LHFPL2: variants seen among roughly 807,000 people sequenced by gnomAD.
LHFPL2 encodes the protein LHFPL tetraspan subfamily member 2 protein.
Under a neutral mutation model 17.5 loss-of-function variants are expected in LHFPL2, and 7 were observed. That is an observed-to-expected ratio of 0.40 (90% CI 0.23 to 0.75). The LOEUF is 0.75. Ranked by LOEUF, LHFPL2 falls within the 30% of genes least tolerant of loss-of-function variation. The pLI, the probability that LHFPL2 is intolerant of heterozygous loss-of-function variation, is 0.37. For synonymous variants in LHFPL2, 134 were observed against 116.2 expected (o/e 1.15, Z -0.99); for missense variants, 241 against 294.8 (o/e 0.82, Z 1.34).
At chr5:78,514,446 G>A (rs1755230359) in intron 3 of LHFPL2, among the ~76,000 whole-genome samples, 2 of 152,090 alleles carry the variant, frequency 1.3e-5, no homozygotes. Context: ...AAAATGGCTG[G>A]TCTGTGGGAG....
rs567638072 is a variant in LHFPL2, at chr5:78,557,920, C to T, written c.-186+6893G>A. Among the ~76,000 whole-genome samples the T allele has an allele frequency of 2.5e-3, 379 of 152,264 alleles. 1 individual carries two copies. The highest frequency in any genetic ancestry group is 0.01 in the Middle Eastern group (3 of 294). On this transcript the variant is annotated intron_variant, in intron 3 of 4. Coordinates refer to ENST00000380345, the MANE Select transcript of LHFPL2 (RefSeq NM_005779.3). Reference sequence around the variant, plus strand: ...GACCATTGTATGACTAACGGTTCCACCCAGCATCAGAGCATGAAAGAAAGC... The same window carrying T: ...GACCATTGTATGACTAACGGTTCCATCCAGCATCAGAGCATGAAAGAAAGC...
intron 2 of LHFPL2, among the ~76,000 whole-genome samples, chr5:78,599,478 T>C (rs1265477736): frequency 1.7e-5 from 1 of 59,282 alleles, no homozygotes; most frequent in African/African-American, 5.0e-5. Flanking sequence ...TTTTTGTATT[T>C]TTTTTTTTTT....
intron 2 of LHFPL2, among the ~76,000 whole-genome samples, chr5:78,582,062 T>C (rs560784555): frequency 2.8e-4 from 43 of 152,390 alleles, no homozygotes; most frequent in Non-Finnish European, 4.1e-4. Flanking sequence ...TTCTAGATTT[T>C]CTGGTTTATT....
intron 2 of LHFPL2, among the ~76,000 whole-genome samples, chr5:78,613,632 T>C (rs1055641336): frequency 1.3e-5 from 2 of 152,234 alleles, no homozygotes; most frequent in African/African-American, 2.4e-5. Flanking sequence ...CTCCTCCTAT[T>C]ATCTGTAACT....
At position 78,519,126 on chromosome 5, in the gene LHFPL2, A is replaced by C. The variant is rs141709178; in HGVS notation, c.-185-8728T>G. 2.1e-3 allele frequency among the ~76,000 whole-genome samples: 324 copies of C among 152,262 alleles called. 1 individual carries two copies. The highest frequency in any genetic ancestry group is 7.6e-3 in the African/African-American group (314 of 41,540). On this transcript the variant is annotated intron_variant, in intron 3 of 4. Transcript: ENST00000380345. ...TCCCCAACATGAGCCAGGCTGGAGA[A>C]GATGACCACTGAGAACCCACACAGC...
At chr5:78,518,806 G>A (rs1010770861) in intron 3 of LHFPL2, among the ~76,000 whole-genome samples, 2 of 152,202 alleles carry the variant, frequency 1.3e-5, no homozygotes, top group South Asian at 4.1e-4. Context: ...ATGATCCAGT[G>A]TCCTCTTTCT....
Position 78,522,086 on chromosome 5 carries a change from C to G in LHFPL2, c.-185-11688G>C, listed in dbSNP as rs183132994. Among the ~76,000 whole-genome samples the G allele has an allele frequency of 2.2e-3, 331 of 152,284 alleles. 2 individuals carry two copies. Among genetic ancestry groups the G allele is most frequent in the African/African-American group, 7.4e-3 (308 of 41,552 alleles). On this transcript the variant is annotated intron_variant, in intron 3 of 4. Transcript: ENST00000380345. ...ATATTTGCTTTTTCCTCTCTTCTCA[C>G]CAAAACTCATGCTTCTTGAAAATAA...
intron 1 of LHFPL2, among the ~76,000 whole-genome samples, chr5:78,647,998 A>G (rs1210441956): frequency 1.3e-5 from 2 of 152,058 alleles, no homozygotes; most frequent in Non-Finnish European, 2.9e-5. Flanking sequence ...ACAAAAATGC[A>G]GTCCAGATTT....
intron 1 of LHFPL2, among the ~76,000 whole-genome samples, chr5:78,633,083 AC>A (rs1745312018): frequency 6.6e-6 from 1 of 152,206 alleles, no homozygotes; most frequent in Non-Finnish European, 1.5e-5. Context: ...GCAAGCTCTG[AC>A]ACAGGAGAGG....
In LHFPL2 at chr5:78,584,999, T is replaced by TAAGCCCGTTGGAAAAGCGCAG. The variant is rs1356291053; in HGVS notation, c.-244-20129_-244-20128insCTGCGCTTTTCCAACGGGCTT. Among the ~76,000 whole-genome samples, 284 of 76,654 alleles carry TAAGCCCGTTGGAAAAGCGCAG rather than the reference T, an allele frequency of 3.7e-3. 21 individuals carry two copies. The highest frequency in any genetic ancestry group is 6.2e-3 in the Middle Eastern group (1 of 162). 50.3% of individuals were successfully genotyped at this position (76,654 alleles called of 152,430 possible). A position where few individuals can be genotyped will look rare whatever the true frequency, so the allele number is the denominator to read the frequency against. ...TATAATCTCCTGGTGCGCTGTGTTT[T>TAAGCCCGTTGGAAAAGCGCAG]TTTTTTTTTTTTTTTTTTTTTTTTT... On this transcript the variant is annotated intron_variant, in intron 2 of 4. Coordinates refer to ENST00000380345, the MANE Select transcript of LHFPL2 (RefSeq NM_005779.3).
chr5:78,494,370 T>C, intron 4 of LHFPL2: 8 of 985,384 alleles, frequency 8.1e-6, no homozygotes, highest in Non-Finnish European at 9.6e-6. Context: ...ACCTCTGCGA[T>C]GGCTCAACTT....
intron 3 of LHFPL2, among the ~76,000 whole-genome samples, chr5:78,561,324 A>C (rs1756719657): frequency 6.6e-6 from 1 of 152,252 alleles, no homozygotes; most frequent in Non-Finnish European, 1.5e-5. Context: ...TCATATGTCA[A>C]GTGCTCAGCA....
intron 4 of LHFPL2, among the ~76,000 whole-genome samples, chr5:78,498,002 G>A (rs1754658869): frequency 6.6e-6 from 1 of 152,182 alleles, no homozygotes; most frequent in Admixed American, 6.5e-5. Flanking sequence ...GTGAGAGCTG[G>A]CCAGGCACTG....
intron 4 of LHFPL2, chr5:78,491,356 G>A (rs1436530175): frequency 6.6e-6 from 1 of 152,468 alleles, no homozygotes; most frequent in Non-Finnish European, 1.5e-5. Context: ...GCAAGGAAAT[G>A]TGATTGGTGC....
intron 3 of LHFPL2, among the ~76,000 whole-genome samples, chr5:78,562,496 A>T (rs889581499): frequency 6.6e-6 from 1 of 152,150 alleles, no homozygotes; most frequent in Non-Finnish European, 1.5e-5. Flanking sequence ...TTAGCTGGGC[A>T]TGGTGGCAGA....
intron 2 of LHFPL2, among the ~76,000 whole-genome samples, chr5:78,586,721 A>AG (rs869130091): frequency 1.3e-5 from 2 of 151,960 alleles, no homozygotes; most frequent in Admixed American, 6.5e-5. Flanking sequence ...CGGTTTTTAT[A>AG]GGGGGGAAAA....
chr5:78,596,799 A>G (rs1342628610), intron 2 of LHFPL2, among the ~76,000 whole-genome samples: 1 of 134,228 alleles, frequency 7.5e-6, no homozygotes, highest in Non-Finnish European at 1.7e-5. Flanking sequence ...GTCATAAGCA[A>G]AAATCCAGAA....
chr5:78,557,890 G>C (rs1756623071), intron 3 of LHFPL2, among the ~76,000 whole-genome samples: 1 of 152,194 alleles, frequency 6.6e-6, no homozygotes, highest in Non-Finnish European at 1.5e-5. Context: ...TGTCTAGAAG[G>C]ACAGGACCAT....
At chr5:78,535,574 C>T (rs1278911382) in intron 3 of LHFPL2, among the ~76,000 whole-genome samples, 6 of 152,290 alleles carry the variant, frequency 3.9e-5, no homozygotes, top group East Asian at 1.9e-4. Context: ...CCTCCCTCAC[C>T]GTCAGCCCCC....
Sources: gnomAD v4.1 joint callset for allele counts (sites outside exome capture counted in the v4.1 genomes callset) on GRCh38, gnomAD v4.1.1 for gene constraint, MANE v1.5 for transcripts, NCBI Gene and HGNC (gene_info 2026-07-23, HGNC 2026-07-21) for gene names.